REXO1: variants seen among roughly 807,000 people sequenced by gnomAD.
REXO1 encodes REX1, RNA exonuclease 1 homolog.
REXO1 carries 42 observed loss-of-function variants against 102.6 expected under a neutral mutation model. That is an observed-to-expected ratio of 0.41 (90% CI 0.32 to 0.53). REXO1 has a LOEUF of 0.53. REXO1 is among the 20% of genes least tolerant of loss of function. REXO1 has a pLI of 0.27. For synonymous variants in REXO1, 908 were observed against 779.1 expected (o/e 1.17, Z -2.76); for missense variants, 1,819 against 1,732.5 (o/e 1.05, Z -0.89).
intron 1 of REXO1, among the ~76,000 whole-genome samples, chr19:1,846,102 G>A (rs138091322): frequency 1.8e-4 from 28 of 152,202 alleles, no homozygotes; most frequent in Admixed American, 2.6e-4. Context: ...GGAGGCCAGC[G>A]TTCCTGTCTA....
Position 1,828,246 on chromosome 19 carries a change from C to G in REXO1, c.543G>C (p.Ser181=), listed in dbSNP as rs751403264. The G allele has an allele frequency of 5.0e-6, 8 of 1,606,352 alleles. No homozygotes were observed. The East Asian group carries it at 1.6e-4, about 31-fold the overall frequency. ...AAPAEPGSKY[S]LASLDRGQGR... The stretch of plus-strand genomic sequence containing the variant: ...CCTGACCCCTGTCCAGGGACGCCAG[C>G]GAGTACTTGCTGCCCGGCTCGGCAG... Residue 181 remains serine, a synonymous_variant, in exon 2 of 16, where the codon TCG becomes TCC. Transcript: ENST00000170168.
intron 1 of REXO1, among the ~76,000 whole-genome samples, chr19:1,844,142 A>C (rs1277070964): frequency 2.0e-5 from 3 of 152,168 alleles, no homozygotes; most frequent in African/African-American, 7.2e-5. Flanking sequence ...CCCAGCCCAC[A>C]GAGGCTGGCA....
chr19:1,831,376 C>T (rs1284190343), intron 1 of REXO1, among the ~76,000 whole-genome samples: 3 of 152,158 alleles, frequency 2.0e-5, no homozygotes, highest in East Asian at 3.9e-4. Context: ...ACCTGGAGAT[C>T]GACCCCCACA....
rs1204954856 is a variant in REXO1, at chr19:1,826,523, G to A, written c.1911+355C>T. Among the ~76,000 whole-genome samples, 1 of 150,980 alleles carries A rather than the reference G, an allele frequency of 6.6e-6. No individual in the cohort carries two copies. The highest frequency in any genetic ancestry group is 6.6e-5 in the Admixed American group (1 of 15,194). On this transcript the variant is annotated intron_variant, in intron 2 of 15. Transcript: ENST00000170168. This position sits in a 1 kb window ranked among gnomAD's most constrained non-coding sequence, Gnocchi z 4.3. ...GAGAGGGGGAAGGGAGGAAAGGGGAGGCGAGGGGAGAGGGGCTAGAAGGGT... is the reference window on the plus strand; with the variant it reads ...GAGAGGGGGAAGGGAGGAAAGGGGAAGCGAGGGGAGAGGGGCTAGAAGGGT...
intron 1 of REXO1, among the ~76,000 whole-genome samples, chr19:1,836,431 G>A (rs2070038428): frequency 6.6e-6 from 1 of 152,154 alleles, no homozygotes; most frequent in Admixed American, 6.5e-5. Context: ...CCCAGACGGG[G>A]AGACTCAGTG....
intron 1 of REXO1, among the ~76,000 whole-genome samples, chr19:1,842,920 A>G (rs12460791): frequency 0.29 from 44,463 of 152,232 alleles, 7,112 homozygotes; most frequent in East Asian, 0.42. Context: ...CTGGGAACCC[A>G]GCGCTTTTCC....
chr19:1,836,712 C>T (rs905118867), intron 1 of REXO1, among the ~76,000 whole-genome samples: 1 of 142,362 alleles, frequency 7.0e-6, no homozygotes, highest in African/African-American at 2.7e-5. Flanking sequence ...CGCCATCGCA[C>T]TGCAGCCTGG....
rs775489365 is a variant in REXO1, at chr19:1,827,734, G to A, written c.1055C>T (p.Pro352Leu). ...VQCDVGDLQP[P>L]PAKPASPAQV... The stretch of plus-strand genomic sequence containing the variant: ...GGCTGGGGAGGCGGGCTTGGCTGGG[G>A]GCGGCTGGAGGTCCCCCACGTCGCA... The change falls in exon 2 of 16, where the codon CCC becomes CTC. Residue 352 changes from proline to leucine, a missense_variant. Physicochemically the swap from Pro to Leu is moderately conservative, Grantham distance 98. Transcript: ENST00000170168. 1.3e-6 allele frequency: 2 copies of A among 1,570,358 alleles called. No individual in the cohort carries two copies. The highest frequency in any genetic ancestry group is 1.7e-6 in the Non-Finnish European group (2 of 1,168,928).
intron 8 of REXO1, 65 bp downstream of exon 8, chr19:1,818,953 C>A: frequency 3.2e-6 from 5 of 1,575,738 alleles, no homozygotes; most frequent in Non-Finnish European, 4.3e-6. Context: ...CCGTGTGGCA[C>A]AGCAGGGGCT....
chr19:1,838,373 C>G (rs911588182), intron 1 of REXO1, among the ~76,000 whole-genome samples: 1 of 150,138 alleles, frequency 6.7e-6, no homozygotes, highest in African/African-American at 2.5e-5. Flanking sequence ...AATCCCAGCA[C>G]TTTGGAAAGT....
chr19:1,815,786 G>A lies in REXO1; in HGVS notation c.*280C>T, dbSNP rs1044617195. 7.5e-5 allele frequency: 109 copies of A among 1,455,022 alleles called. No individual in the cohort carries two copies. The African/African-American group carries it at 1.4e-3, about 19-fold the overall frequency. The allele number at this position is 1,455,022 out of a possible 1,614,324, so 90.1% of individuals were successfully genotyped here. On this transcript the variant is annotated 3_prime_UTR_variant, in exon 16 of 16. Coordinates refer to ENST00000170168, the MANE Select transcript of REXO1 (RefSeq NM_020695.4). The surrounding 1 kb of genome is among the most constrained non-coding windows in gnomAD (Gnocchi z 4.0). The stretch of plus-strand genomic sequence containing the variant: ...GCAGGAGGGGCAGGAGGGGCTGCGG[G>A]CCGGGTGGGGGCGGGCTCTGTCCTG...
intron 3 of REXO1, 124 bp from the exon 4 acceptor site, chr19:1,823,909 C>T: frequency 2.4e-6 from 1 of 411,330 alleles, no homozygotes; most frequent in Non-Finnish European, 4.2e-6. Context: ...CCCTGGCTGC[C>T]TTCTGAGCTG....
intron 6 of REXO1, 32 bp downstream of exon 6, chr19:1,820,232 C>A (rs375190815): frequency 6.3e-7 from 1 of 1,599,662 alleles, no homozygotes; most frequent in Admixed American, 1.7e-5. Flanking sequence ...AGTCCCCACC[C>A]GACCGGCCAG....
intron 1 of REXO1, among the ~76,000 whole-genome samples, chr19:1,846,184 C>T (rs1042433134): frequency 2.0e-5 from 3 of 152,294 alleles, no homozygotes; most frequent in South Asian, 2.1e-4. Context: ...GGCTAGATCA[C>T]GCCAGCCTCT....
At position 1,823,711 on chromosome 19, in the gene REXO1, C is replaced by T; in HGVS notation, c.2091G>A (p.Arg697=). ...PPTAQEVCYL[R]AQQAQRASAS... is the part of the protein sequence containing the mutation. ...CCGATGCCCTCTGCGCCTGCTGGGC[C>T]CGCAGGTAGCACACCTCCTGCGCCG... is the stretch of plus-strand genomic sequence containing the variant. The change falls in exon 4 of 16, where the codon CGG becomes CGA. Residue 697 remains arginine (R), a synonymous_variant. Coordinates refer to ENST00000170168, the MANE Select transcript of REXO1 (RefSeq NM_020695.4). The T allele has an allele frequency of 7.9e-7, 1 of 1,273,624 alleles. No individual in the cohort carries two copies. The highest frequency in any genetic ancestry group is 3.0e-5 in the East Asian group (1 of 33,082). The allele number at this position is 1,273,624 out of a possible 1,614,324, so 78.9% of individuals were successfully genotyped here. A position where few individuals can be genotyped will look rare whatever the true frequency, so the allele number is the denominator to read the frequency against.
At position 1,821,488 on chromosome 19, in the gene REXO1, T is replaced by G. The variant is rs115254525; in HGVS notation, c.2394+31A>C. 308 of 1,609,924 alleles carry G rather than the reference T, an allele frequency of 1.9e-4. 2 individuals are homozygous for G. The African/African-American group carries it at 3.4e-3, about 18-fold the overall frequency. ...GGGCCTCAGGGCGTGGTCTTGGGGGTGGTGGTCCTGGCCGAGATGGGAGGG... is the reference window on the plus strand; with the variant it reads ...GGGCCTCAGGGCGTGGTCTTGGGGGGGGTGGTCCTGGCCGAGATGGGAGGG... On this transcript the variant is annotated intron_variant, in intron 5 of 15. Coordinates refer to ENST00000170168, the MANE Select transcript of REXO1 (RefSeq NM_020695.4).
chr19:1,819,322 G>A (rs373355865), intron 7 of REXO1, among the ~76,000 whole-genome samples, 191 bp from the exon 8 acceptor site: 21 of 151,988 alleles, frequency 1.4e-4, no homozygotes, highest in Middle Eastern at 3.4e-3. Context: ...AGCCAGGGAC[G>A]CAGGGCAGCC....
Position 1,827,356 on chromosome 19 carries a change from T to A in REXO1, c.1433A>T (p.Gln478Leu). ...AAGRGPPRPL[Q>L]LPDRKSTKAP... ...CTTGGTGCTCTTCCTGTCGGGCAGCTGGAGGGGGCGGGGTGGGCCTCTGCC... is the reference window on the plus strand; with the variant it reads ...CTTGGTGCTCTTCCTGTCGGGCAGCAGGAGGGGGCGGGGTGGGCCTCTGCC... The change falls in exon 2 of 16, where the codon CAG (glutamine) becomes CTG (leucine). Residue 478 changes from glutamine (Q) to leucine (L), a missense_variant. Physicochemically the swap from Gln to Leu is moderately radical, Grantham distance 113. Transcript: ENST00000170168. 6 of 1,547,278 alleles carry A rather than the reference T, an allele frequency of 3.9e-6. No homozygotes were observed. Among genetic ancestry groups the A allele is most frequent in the Non-Finnish European group, 5.2e-6 (6 of 1,150,956 alleles).
intron 9 of REXO1, 49 bp downstream of exon 9, chr19:1,818,657 C>G (rs1318911447): frequency 6.2e-7 from 1 of 1,608,612 alleles, no homozygotes; most frequent in Non-Finnish European, 8.5e-7. Context: ...CCCGGCCTTG[C>G]CCACATCCCG....
Sources: gnomAD v4.1 joint callset for allele counts (sites outside exome capture counted in the v4.1 genomes callset) on GRCh38, gnomAD v4.1.1 for gene constraint, Gnocchi (gnomAD v3.1) non-coding constraint, MANE v1.5 for transcripts, NCBI Gene and HGNC (gene_info 2026-07-23, HGNC 2026-07-21) for gene names.